The following GATAD2A variants were observed in gnomAD, a reference collection of about 807,000 sequenced individuals.
The protein encoded by GATAD2A is GATA zinc finger domain containing 2A, also known as transcriptional repressor p66-alpha.
GATAD2A carries 12 observed loss-of-function variants against 68.5 expected under a neutral mutation model. The observed-to-expected ratio is 0.18, with a 90% confidence interval of 0.11 to 0.28. The LOEUF (loss-of-function observed/expected upper bound fraction) is 0.28. Ranked by LOEUF, GATAD2A falls within the 10% of genes least tolerant of loss-of-function variation. GATAD2A has a pLI of 1.00. For missense variants in GATAD2A, 755 were observed against 868.5 expected (o/e 0.87, Z 1.64); for synonymous variants, 410 against 375.3 (o/e 1.09, Z -1.07).
intron 1 of GATAD2A, among the ~76,000 whole-genome samples, chr19:19,429,479 C>T (rs552796276): frequency 9.2e-5 from 14 of 152,144 alleles, no homozygotes; most frequent in African/African-American, 2.9e-4. Flanking sequence ...TGAAGTGGGC[C>T]GGGCCTTGAA....
intron 1 of GATAD2A, among the ~76,000 whole-genome samples, chr19:19,399,122 G>T (rs2049504798): frequency 6.6e-6 from 1 of 152,200 alleles, no homozygotes; most frequent in African/African-American, 2.4e-5. Flanking sequence ...TACTTGGGAG[G>T]CTCAAGCATG....
At chr19:19,430,976 GGT>G (rs71170687) in intron 1 of GATAD2A, among the ~76,000 whole-genome samples, 13,469 of 136,486 alleles carry the variant, frequency 0.099, 699 homozygotes, top group Admixed American at 0.15. Context: ...GTATGGTAGG[GGT>G]GTGTGTGTGT....
At chr19:19,402,063 A>T (rs1453402943), upstream of GATAD2A, 1 of 151,920 alleles carries the variant, frequency 6.6e-6, no homozygotes, top group Non-Finnish European at 1.5e-5. Flanking sequence ...GTTTTTTGTT[A>T]TTGTTGTTGT....
At position 19,501,134 on chromosome 19, in the gene GATAD2A, C is replaced by T. The variant is rs760205544; in HGVS notation, c.1221C>T (p.Ala407=). The T allele has an allele frequency of 1.6e-5, 26 of 1,607,986 alleles. No individual in the cohort carries two copies. Among genetic ancestry groups the T allele is most frequent in the East Asian group, 4.5e-5 (2 of 44,758 alleles). ...LLETQAGRMS[A]ATVLSREPYM... is the part of the protein sequence containing the mutation. ...TGCTTGCAGCAGGCAGGATGTCGGC[C>T]GCCACTGTGCTGTCCCGGGAGCCCT... Residue 407 remains alanine (A), a synonymous_variant, in exon 9 of 12, where the codon GCC becomes GCT. Coordinates refer to ENST00000683918, the MANE Select transcript of GATAD2A (RefSeq NM_001384528.1).
intron 2 of GATAD2A, among the ~76,000 whole-genome samples, chr19:19,491,955 G>A (rs2059821179): frequency 6.6e-6 from 1 of 152,228 alleles, no homozygotes; most frequent in South Asian, 2.1e-4. Context: ...AGGATCCCGA[G>A]CCGAGTGTTT....
intron 2 of GATAD2A, among the ~76,000 whole-genome samples, chr19:19,486,610 C>T (rs1453168195): frequency 1.3e-5 from 2 of 152,210 alleles, no homozygotes; most frequent in Non-Finnish European, 2.9e-5. Context: ...GGGAATGGGA[C>T]CTGGTGCAGG....
At chr19:19,425,864 A>T (rs2053021692) in intron 1 of GATAD2A, among the ~76,000 whole-genome samples, 1 of 150,662 alleles carries the variant, frequency 6.6e-6, no homozygotes, top group Non-Finnish European at 1.5e-5. Flanking sequence ...GTGTCTGCTC[A>T]CTGCATCCTC....
intron 7 of GATAD2A, 117 bp from the exon 8 acceptor site, chr19:19,498,326 G>T (rs1004833388): frequency 1.1e-6 from 1 of 895,028 alleles, no homozygotes; most frequent in South Asian, 1.8e-5. Flanking sequence ...TGTTAAGGAC[G>T]CCATCGTCAA....
At chr19:19,444,387 GTGCTGTGCC>G (rs1302350684) in intron 1 of GATAD2A, among the ~76,000 whole-genome samples, 1 of 152,152 alleles carries the variant, frequency 6.6e-6, no homozygotes, top group Non-Finnish European at 1.5e-5. Context: ...TCTCCGGTAT[GTGCTGTGCC>G]TGCTGTGCCC....
intron 11 of GATAD2A, among the ~76,000 whole-genome samples, chr19:19,504,725 T>G (rs890155395): frequency 2.0e-5 from 3 of 151,528 alleles, no homozygotes; most frequent in Non-Finnish European, 2.9e-5. Context: ...ATAGCTCTCT[T>G]GCAGCCTGGA....
intron 1 of GATAD2A, among the ~76,000 whole-genome samples, chr19:19,390,311 G>A (rs1278351965): frequency 1.3e-5 from 2 of 152,074 alleles, no homozygotes; most frequent in Non-Finnish European, 2.9e-5. Context: ...GAATGAATCC[G>A]AGATGATGAA....
chr19:19,498,484 T>C lies in GATAD2A; in HGVS notation c.966T>C (p.Ala322=). 1 of 1,612,966 alleles carries C rather than the reference T, an allele frequency of 6.2e-7. No individual in the cohort carries two copies. The highest frequency in any genetic ancestry group is 8.5e-7 in the Non-Finnish European group (1 of 1,179,096). ...ASLKGTTATS[A]QANSTPTSVA... ...TGAAGGGGACAACAGCCACCTCCGC[T>C]CAGGCCAACTCCACCCCCACTAGTG... The change falls in exon 8 of 12, where the codon GCT becomes GCC. Residue 322 remains alanine (A), a synonymous_variant. Transcript: ENST00000683918.
chr19:19,392,013 C>T (rs1214882888), intron 1 of GATAD2A, among the ~76,000 whole-genome samples: 1 of 150,832 alleles, frequency 6.6e-6, no homozygotes, highest in Non-Finnish European at 1.5e-5. Context: ...TTAAGTTTGA[C>T]TTCATCCTCT....
chr19:19,459,710 T>C (rs531986740), intron 1 of GATAD2A, among the ~76,000 whole-genome samples: 32 of 152,336 alleles, frequency 2.1e-4, no homozygotes, highest in Admixed American at 9.8e-4. Context: ...CTGAAGCTTC[T>C]GTGTCCATCT....
intron 1 of GATAD2A, among the ~76,000 whole-genome samples, chr19:19,386,838 C>T (rs903178897): frequency 6.6e-6 from 1 of 152,036 alleles, no homozygotes; most frequent in South Asian, 2.1e-4. Context: ...TTTGGGGATC[C>T]CCAACTCTTT....
chr19:19,420,517 T>A (rs2052278818), intron 1 of GATAD2A, among the ~76,000 whole-genome samples: 3 of 145,882 alleles, frequency 2.1e-5, no homozygotes, highest in Non-Finnish European at 4.5e-5. Context: ...TTTTTTGGTA[T>A]TTTTAGTAGA....
intron 1 of GATAD2A, among the ~76,000 whole-genome samples, chr19:19,462,334 C>T (rs928668623): frequency 2.0e-5 from 3 of 152,322 alleles, no homozygotes; most frequent in African/African-American, 7.2e-5. Flanking sequence ...GCAGGCCCTG[C>T]GTCATTGGTC....
At chr19:19,502,699 G>T (rs2060618962) in intron 11 of GATAD2A, among the ~76,000 whole-genome samples, 173 bp downstream of exon 11, 4 of 152,224 alleles carry the variant, frequency 2.6e-5, no homozygotes. Flanking sequence ...CCCTGAAGAA[G>T]TGACAGCCCC....
upstream of GATAD2A, among the ~76,000 whole-genome samples, chr19:19,403,996 C>G (rs185309600): frequency 7.0e-4 from 106 of 152,242 alleles, 1 homozygote; most frequent in Admixed American, 6.9e-3. Context: ...GGTGACATAA[C>G]TGGGTCAGGG....
Sources: gnomAD v4.1 joint callset for allele counts (sites outside exome capture counted in the v4.1 genomes callset) on GRCh38, gnomAD v4.1.1 for gene constraint, MANE v1.5 for transcripts, NCBI Gene and HGNC (gene_info 2026-07-23, HGNC 2026-07-21) for gene names.